The following PARP9 variants were observed in gnomAD, a reference collection of about 807,000 sequenced individuals.
PARP9 encodes the protein poly(ADP-ribose) polymerase family member 9.
A neutral mutation model predicts 68.8 loss-of-function variants in PARP9; 48 were observed. The observed-to-expected ratio is 0.70, with a 90% CI of 0.55 to 0.89. The LOEUF (loss-of-function observed/expected upper bound fraction) is 0.89, where lower values mean the gene tolerates loss of function less well. Among genes scored for constraint, PARP9 ranks in the 40% least tolerant of loss-of-function variants. The pLI is 0.00. For missense variants in PARP9, 806 were observed against 969.3 expected (o/e 0.83, Z 2.24); for synonymous variants, 309 against 333.8 (o/e 0.93, Z 0.81).
chr3:122,534,118 A>G, intron 10 of PARP9: 3 of 951,278 alleles, frequency 3.2e-6, no homozygotes, highest in Non-Finnish European at 3.8e-6. Flanking sequence ...CACAGACAGC[A>G]GGTAAGAGAC....
intron 6 of PARP9, among the ~76,000 whole-genome samples, chr3:122,549,049 T>C (rs1342983219): frequency 1.3e-5 from 2 of 151,538 alleles, no homozygotes; most frequent in Admixed American, 1.3e-4. Flanking sequence ...AGTTTCACTC[T>C]TGTTGCCCAA....
intron 8 of PARP9, among the ~76,000 whole-genome samples, chr3:122,537,453 A>T (rs183822807): frequency 6.6e-6 from 1 of 152,348 alleles, no homozygotes; most frequent in Non-Finnish European, 1.5e-5. Flanking sequence ...TAAGTAAGGA[A>T]TGATGGGAAA....
chr3:122,539,507 A>ATTCCTTTCTTTCTTTC lies in PARP9; in HGVS notation c.1765+964_1765+965insGAAAGAAAGAAAGGAA, dbSNP rs1553714534. On this transcript the variant is annotated intron_variant, in intron 8 of 10. Coordinates refer to ENST00000682323, the MANE Select transcript of PARP9 (RefSeq NM_001146105.2). ...CTCTATCTCTATCTCCCAAGATGGC[A>ATTCCTTTCTTTCTTTC]TTTCTTTCTTTCTTTCTTTCTTTCT... is the stretch of plus-strand genomic sequence containing the variant. Among the ~76,000 whole-genome samples the ATTCCTTTCTTTCTTTC allele has an allele frequency of 4.6e-4, 61 of 133,232 alleles. 1 individual carries two copies. Among genetic ancestry groups the ATTCCTTTCTTTCTTTC allele is most frequent in the Middle Eastern group, 3.7e-3 (1 of 272 alleles). 87.4% of individuals were successfully genotyped at this position (133,232 alleles called of 152,430 possible). A position where few individuals can be genotyped will look rare whatever the true frequency, so the allele number is the denominator to read the frequency against.
chr3:122,550,370 T>C (rs1168725764), intron 6 of PARP9, among the ~76,000 whole-genome samples: 1 of 152,184 alleles, frequency 6.6e-6, no homozygotes, highest in Non-Finnish European at 1.5e-5. Flanking sequence ...TGAGCCACCG[T>C]GTCTTGCCAA....
At chr3:122,559,572 AG>A (rs2080012587) in intron 2 of PARP9, 33 bp downstream of exon 2, 2 of 1,566,900 alleles carry the variant, frequency 1.3e-6, no homozygotes, top group Non-Finnish European at 1.7e-6. Context: ...GTGCTGATCA[AG>A]GTTCATGACG....
At chr3:122,535,494 A>G (rs895384260) in intron 10 of PARP9, 1 of 985,322 alleles carries the variant, frequency 1.0e-6, no homozygotes, top group Non-Finnish European at 1.2e-6. Context: ...GTATCTCTCC[A>G]TAATTTTTAC....
chr3:122,551,143 G>A (rs886902573), intron 5 of PARP9, among the ~76,000 whole-genome samples: 4 of 152,178 alleles, frequency 2.6e-5, no homozygotes, highest in Admixed American at 2.6e-4. Context: ...TCAACGTCAA[G>A]AGCCCTTGAA....
At chr3:122,547,015 C>CGT (rs1553717181) in intron 6 of PARP9, among the ~76,000 whole-genome samples, 1 of 77,742 alleles carries the variant, frequency 1.3e-5, no homozygotes, top group Non-Finnish European at 2.8e-5. Context: ...TATATATATA[C>CGT]ACACACACAC....
intron 8 of PARP9, among the ~76,000 whole-genome samples, chr3:122,539,507 A>ATTCATTCCTTTCTTTC (rs1553714534): frequency 7.5e-6 from 1 of 133,162 alleles, no homozygotes; most frequent in African/African-American, 2.9e-5. Context: ...CCAAGATGGC[A>ATTCATTCCTTTCTTTC]TTTCTTTCTT....
chr3:122,535,228 T>A (rs989734486), intron 10 of PARP9: 1 of 985,416 alleles, frequency 1.0e-6, no homozygotes, highest in East Asian at 1.1e-4. Flanking sequence ...ACTTTCCTGA[T>A]TGCCCCAAAA....
In PARP9 at chr3:122,552,605, T is replaced by A; in HGVS notation, c.920A>T (p.Asp307Val). The change falls in exon 5 of 11, where the codon GAT becomes GTT. Residue 307 changes from aspartate to valine, a missense_variant. Asp to Val is a radical substitution (Grantham distance 152). Transcript: ENST00000682323. ...DVIVNSVNPHDITVGPVAKSI... is the reference protein window; with the variant it reads ...DVIVNSVNPHVITVGPVAKSI... ...CTTTGCCACAGGTCCAACTGTAATA[T>A]CATGTGGGTTTACAGAATTAACAAT... 6.2e-7 allele frequency: 1 copy of A among 1,613,476 alleles called. No individual in the cohort carries two copies. The highest frequency in any genetic ancestry group is 8.5e-7 in the Non-Finnish European group (1 of 1,179,444).
intron 10 of PARP9, among the ~76,000 whole-genome samples, chr3:122,529,170 G>A (rs977299994): frequency 1.3e-5 from 2 of 149,814 alleles, no homozygotes; most frequent in Non-Finnish European, 3.0e-5. Flanking sequence ...CCCAGGAGTC[G>A]GAGGTTGTAG....
At position 122,557,003 on chromosome 3, in the gene PARP9, G is replaced by A. The variant is rs374641333; in HGVS notation, c.50-882C>T. Among the ~76,000 whole-genome samples, 37 of 152,178 alleles carry A rather than the reference G, an allele frequency of 2.4e-4. No homozygotes were observed. The South Asian group carries it at 2.7e-3, about 11-fold the overall frequency. On this transcript the variant is annotated intron_variant, in intron 3 of 10. Coordinates refer to ENST00000682323, the MANE Select transcript of PARP9 (RefSeq NM_001146105.2). ...ACACCATCGTGTCCAGCTAATTTCC[G>A]TATTTTTTTCTGTAGAGATGGGGTT... is the stretch of plus-strand genomic sequence containing the variant.
intron 3 of PARP9, 166 bp downstream of exon 3, chr3:122,558,268 C>T (rs1009705542): frequency 1.4e-5 from 21 of 1,549,054 alleles, no homozygotes; most frequent in South Asian, 4.6e-5. Flanking sequence ...GCCTGCTGGT[C>T]GGTGCCACAC....
At chr3:122,556,713 T>C (rs890237662) in intron 3 of PARP9, among the ~76,000 whole-genome samples, 2 of 151,924 alleles carry the variant, frequency 1.3e-5, no homozygotes, top group Non-Finnish European at 2.9e-5. Context: ...AAAGCACGTG[T>C]AACTAGGCAG....
At chr3:122,545,244 T>C (rs1242535586) in intron 7 of PARP9, among the ~76,000 whole-genome samples, 188 bp downstream of exon 7, 4 of 152,202 alleles carry the variant, frequency 2.6e-5, no homozygotes, top group Non-Finnish European at 4.4e-5. Flanking sequence ...GTTCATATCA[T>C]GAAACTGGAC....
intron 8 of PARP9, 69 bp downstream of exon 8, chr3:122,540,403 A>G: frequency 1.9e-6 from 3 of 1,560,410 alleles, no homozygotes; most frequent in Non-Finnish European, 2.6e-6. Flanking sequence ...ATCCATACAT[A>G]CACGCTCACA....
At chr3:122,561,045 G>T (rs569918279) in intron 1 of PARP9, among the ~76,000 whole-genome samples, 1 of 152,166 alleles carries the variant, frequency 6.6e-6, no homozygotes, top group Non-Finnish European at 1.5e-5. Context: ...GGTTCCTACT[G>T]TGTTTCCTTC....
chr3:122,560,139 A>G (rs73855795), intron 1 of PARP9, among the ~76,000 whole-genome samples: 1 of 152,308 alleles, frequency 6.6e-6, no homozygotes, highest in African/African-American at 2.4e-5. Flanking sequence ...GAAAGAGGAA[A>G]TGCCACTAGA....
Sources: allele counts gnomAD v4.1 joint callset (sites outside exome capture counted in the v4.1 genomes callset), GRCh38; gene constraint gnomAD v4.1.1; transcripts MANE v1.5; gene names NCBI Gene and HGNC (gene_info 2026-07-23, HGNC 2026-07-21).